DNAH3: variants seen among roughly 807,000 people sequenced by gnomAD.
The protein encoded by DNAH3 is dynein axonemal heavy chain 3.
A neutral mutation model predicts 432.5 loss-of-function variants in DNAH3; 332 were observed. That is an observed-to-expected ratio of 0.77 (90% confidence interval 0.70 to 0.84). The LOEUF is 0.84. Among genes scored for constraint, DNAH3 ranks in the 40% least tolerant of loss-of-function variants. The pLI, the probability that DNAH3 is intolerant of heterozygous loss-of-function variation, is 0.00. For synonymous variants in DNAH3, 1,956 were observed against 1,900.2 expected (o/e 1.03, Z -0.76); for missense variants, 4,861 against 5,114.0 (o/e 0.95, Z 1.51).
At chr16:21,011,553 G>A (rs1006882616) in intron 41 of DNAH3, among the ~76,000 whole-genome samples, 1 of 152,008 alleles carries the variant, frequency 6.6e-6, no homozygotes, top group African/African-American at 2.4e-5. Context: ...TAGAGACAGG[G>A]TTTTACAATG....
intron 35 of DNAH3, 31 bp downstream of exon 35, chr16:21,036,683 C>T (rs1445678523): frequency 6.2e-7 from 1 of 1,602,284 alleles, no homozygotes; most frequent in South Asian, 1.1e-5. Context: ...AACAGTAAAA[C>T]AGGCACATTT....
intron 14 of DNAH3, 21 bp from the exon 15 acceptor site, chr16:21,106,695 T>A: frequency 6.9e-7 from 1 of 1,456,668 alleles, no homozygotes; most frequent in East Asian, 2.4e-5. Context: ...GAAACAGCCA[T>A]TGTTATCATC....
chr16:20,971,871 T>C (rs979525489), intron 51 of DNAH3, among the ~76,000 whole-genome samples: 10 of 152,208 alleles, frequency 6.6e-5, no homozygotes, highest in African/African-American at 2.2e-4. Flanking sequence ...ATCACTAACA[T>C]AGACCCTTAC....
At chr16:20,971,383 T>C (rs2085335516) in intron 51 of DNAH3, among the ~76,000 whole-genome samples, 1 of 151,904 alleles carries the variant, frequency 6.6e-6, no homozygotes, top group African/African-American at 2.4e-5. Flanking sequence ...TTTCTGGGAG[T>C]GTGAGGAGAT....
chr16:21,054,579 C>T (rs1432888371), intron 27 of DNAH3, 45 bp from the exon 28 acceptor site: 2 of 1,414,872 alleles, frequency 1.4e-6, no homozygotes, highest in Non-Finnish European at 2.0e-6. Context: ...TTTGACTCTC[C>T]TCTGGTAATC....
intron 42 of DNAH3, among the ~76,000 whole-genome samples, chr16:21,001,482 A>C (rs2087015934): frequency 6.6e-6 from 1 of 152,206 alleles, no homozygotes; most frequent in Non-Finnish European, 1.5e-5. Context: ...ACCGTGATGC[A>C]AATAGCGCCA....
intron 1 of DNAH3, among the ~76,000 whole-genome samples, chr16:21,157,159 T>C (rs1295097657): frequency 6.6e-6 from 1 of 152,132 alleles, no homozygotes; most frequent in African/African-American, 2.4e-5. Context: ...CTTTCTGCTA[T>C]TGTGGAATTA....
intron 1 of DNAH3, among the ~76,000 whole-genome samples, chr16:21,153,568 T>G (rs781375665): frequency 9.9e-5 from 15 of 152,108 alleles, no homozygotes; most frequent in Non-Finnish European, 1.6e-4. Flanking sequence ...TTGATCCCCT[T>G]CTACAACGTG....
intron 37 of DNAH3, among the ~76,000 whole-genome samples, chr16:21,030,739 G>A (rs1018133925): frequency 1.3e-5 from 2 of 152,150 alleles, no homozygotes; most frequent in African/African-American, 4.8e-5. Flanking sequence ...GAGATTCAGA[G>A]AAGTGATGTG....
At chr16:20,996,679 G>A (rs990499485) in intron 44 of DNAH3, among the ~76,000 whole-genome samples, 1 of 151,960 alleles carries the variant, frequency 6.6e-6, no homozygotes, top group African/African-American at 2.4e-5. Context: ...GGGTAGTCTC[G>A]AACTCCTGGC....
At chr16:21,086,439 C>T (rs971419835) in intron 19 of DNAH3, among the ~76,000 whole-genome samples, 2 of 152,120 alleles carry the variant, frequency 1.3e-5, no homozygotes, top group Admixed American at 6.5e-5. Context: ...TATTAGCAAC[C>T]CCCAGGGAGA....
At position 21,104,522 on chromosome 16, in the gene DNAH3, C is replaced by T. The variant is rs377254496; in HGVS notation, c.2315G>A (p.Arg772Gln). The T allele has an allele frequency of 2.1e-5, 34 of 1,613,964 alleles. No individual in the cohort carries two copies. The Middle Eastern group carries it at 9.9e-4, about 47-fold the overall frequency. Residue 772 changes from arginine to glutamine, a missense_variant, in exon 16 of 62, where the codon CGG (arginine) becomes CAG (glutamine). Arg to Gln is a conservative substitution (Grantham distance 43, BLOSUM62 1). Transcript: ENST00000261383. The stretch of plus-strand genomic sequence containing the variant: ...ATCCCTCTTGTGAAGGAGCAAGTTC[C>T]GGCTGTTGTCAAAGATATCTTCAAT...
intron 52 of DNAH3, among the ~76,000 whole-genome samples, chr16:20,965,866 C>A (rs866438899): frequency 6.6e-6 from 1 of 151,818 alleles, no homozygotes; most frequent in Non-Finnish European, 1.5e-5. Context: ...GCATGTGCCA[C>A]CATGCCTGGC....
exon 54 of DNAH3, chr16:20,959,337 T>C: frequency 6.2e-7 from 1 of 1,614,188 alleles, no homozygotes; most frequent in Non-Finnish European, 8.5e-7. Flanking sequence ...GGCCTTGGCC[T>C]TGGCCAAGGG....
chr16:20,979,450 G>A, exon 50 of DNAH3: 2 of 1,614,138 alleles, frequency 1.2e-6, no homozygotes, highest in Non-Finnish European at 1.7e-6. Flanking sequence ...CAAGGTAGGA[G>A]GTGGGGGTAA....
chr16:21,083,842 G>C (rs186590966), intron 19 of DNAH3, among the ~76,000 whole-genome samples: 2 of 152,236 alleles, frequency 1.3e-5, no homozygotes, highest in Admixed American at 6.5e-5. Context: ...GGAGGAATGG[G>C]CTCTGCCTAG....
At chr16:20,987,964 C>G (rs1284196365) in exon 45 of DNAH3, 1 of 1,614,184 alleles carries the variant, frequency 6.2e-7, no homozygotes, top group Non-Finnish European at 8.5e-7. Flanking sequence ...ACATCAAACC[C>G]TTTCCCGAAG....
intron 44 of DNAH3, among the ~76,000 whole-genome samples, chr16:20,989,585 T>C (rs999366951): frequency 6.6e-6 from 1 of 152,250 alleles, no homozygotes; most frequent in African/African-American, 2.4e-5. Context: ...CTTCACCTAG[T>C]GGATCCCGCA....
chr16:20,946,481 G>C (rs1185433741), intron 57 of DNAH3, among the ~76,000 whole-genome samples: 1 of 152,178 alleles, frequency 6.6e-6, no homozygotes, highest in Non-Finnish European at 1.5e-5. Flanking sequence ...TCTCCTGAGG[G>C]CTGTGTCACG....
Sources: gnomAD v4.1 joint callset for allele counts (sites outside exome capture counted in the v4.1 genomes callset) on GRCh38, gnomAD v4.1.1 for gene constraint, MANE v1.5 for transcripts, NCBI Gene and HGNC (gene_info 2026-07-23, HGNC 2026-07-21) for gene names.